LRMDA: variants seen among roughly 807,000 people sequenced by gnomAD.
LRMDA encodes leucine-rich melanocyte differentiation-associated protein.
Under a neutral mutation model 29.8 loss-of-function variants are expected in LRMDA, and 18 were observed. The observed-to-expected ratio is 0.60, with a 90% CI of 0.42 to 0.90. LRMDA has a LOEUF of 0.90. Among genes scored for constraint, LRMDA ranks in the 40% least tolerant of loss-of-function variants. The pLI, the probability that LRMDA is intolerant of heterozygous loss-of-function variation, is 0.00. For synonymous variants in LRMDA, 125 were observed against 109.4 expected (o/e 1.14, Z -0.89); for missense variants, 273 against 273.9 (o/e 1.00, Z 0.02).
chr10:76,324,831 A>G (rs1289446266), intron 6 of LRMDA, among the ~76,000 whole-genome samples: 1 of 152,202 alleles, frequency 6.6e-6, no homozygotes, highest in Non-Finnish European at 1.5e-5. Context: ...TTATAAAAGT[A>G]TCGTTGTTTG....
At chr10:75,835,676 C>A (rs551940779) in intron 2 of LRMDA, among the ~76,000 whole-genome samples, 2 of 152,332 alleles carry the variant, frequency 1.3e-5, no homozygotes, top group South Asian at 2.1e-4. Context: ...TGCCTTAGAT[C>A]AAGCCATTTT....
chr10:75,528,649 A>C (rs199640994), intron 2 of LRMDA, among the ~76,000 whole-genome samples: 1 of 152,172 alleles, frequency 6.6e-6, no homozygotes. Context: ...CATTCCAGCC[A>C]AGAATAGAGA....
chr10:76,426,620 G>C lies in LRMDA; in HGVS notation c.601+102135G>C, dbSNP rs149214983. ...TCTTGAGTTTAATTAGATCCCATTT[G>C]TCAATTTTGGCTTTTGTTGCCATTG... is the stretch of plus-strand genomic sequence containing the variant. On this transcript the variant is annotated intron_variant, in intron 6 of 6. Coordinates refer to ENST00000611255, the MANE Select transcript of LRMDA (RefSeq NM_001305581.2). 8.2e-3 allele frequency among the ~76,000 whole-genome samples: 1,245 copies of C among 152,286 alleles called. 13 individuals are homozygous for C. Among genetic ancestry groups the C allele is most frequent in the African/African-American group, 0.028 (1,176 of 41,556 alleles).
chr10:75,473,327 T>A (rs1243071267), intron 2 of LRMDA, among the ~76,000 whole-genome samples: 1 of 152,092 alleles, frequency 6.6e-6, no homozygotes, highest in Non-Finnish European at 1.5e-5. Flanking sequence ...AAGGGCTGTG[T>A]GGTGGGAGCA....
chr10:76,396,231 A>C (rs1230298282), intron 6 of LRMDA, among the ~76,000 whole-genome samples: 1 of 152,230 alleles, frequency 6.6e-6, no homozygotes, highest in Non-Finnish European at 1.5e-5. Context: ...AGTGGGGGAC[A>C]GAAGAAAAGA....
intron 6 of LRMDA, among the ~76,000 whole-genome samples, chr10:76,416,845 G>C (rs868161653): frequency 2.6e-5 from 4 of 152,186 alleles, no homozygotes; most frequent in African/African-American, 9.7e-5. Context: ...GGAAATGTGC[G>C]TGTGCCTGTG....
At chr10:75,982,024 T>C (rs1847181858) in intron 2 of LRMDA, among the ~76,000 whole-genome samples, 1 of 152,148 alleles carries the variant, frequency 6.6e-6, no homozygotes, top group South Asian at 2.1e-4. Context: ...AGTGTTTCTC[T>C]TCTTACATAT....
At chr10:76,011,574 C>T (rs907586079) in intron 2 of LRMDA, among the ~76,000 whole-genome samples, 14 of 152,080 alleles carry the variant, frequency 9.2e-5, no homozygotes, top group African/African-American at 1.9e-4. Context: ...GCGAGGCAGA[C>T]GAGGGCTGCA....
intron 2 of LRMDA, among the ~76,000 whole-genome samples, chr10:75,513,702 G>A (rs368220753): frequency 6.6e-6 from 1 of 151,990 alleles, no homozygotes; most frequent in African/African-American, 2.4e-5. Flanking sequence ...CTCTCGGCCC[G>A]GTGTCACTCC....
At chr10:76,352,878 A>C (rs1202713841) in intron 6 of LRMDA, among the ~76,000 whole-genome samples, 1 of 152,092 alleles carries the variant, frequency 6.6e-6, no homozygotes, top group Non-Finnish European at 1.5e-5. Context: ...GTTCTTAGAC[A>C]TGCCACTCGG....
chr10:76,435,833 G>A (rs1461697865), intron 6 of LRMDA, among the ~76,000 whole-genome samples: 2 of 152,158 alleles, frequency 1.3e-5, no homozygotes, highest in Non-Finnish European at 2.9e-5. Flanking sequence ...TGAAGATTCG[G>A]TCTCTCATAG....
intron 6 of LRMDA, among the ~76,000 whole-genome samples, chr10:76,503,658 G>T (rs1842933100): frequency 6.6e-6 from 1 of 150,880 alleles, no homozygotes; most frequent in Non-Finnish European, 1.5e-5. Flanking sequence ...GTATTTCTGT[G>T]GTATCAATTG....
At chr10:75,526,900 A>G (rs941996960) in intron 2 of LRMDA, among the ~76,000 whole-genome samples, 2 of 150,912 alleles carry the variant, frequency 1.3e-5, no homozygotes, top group Non-Finnish European at 2.9e-5. Context: ...TGTACCATTT[A>G]AGTTATTTTA....
At chr10:76,268,467 CTT>C (rs980182174) in intron 5 of LRMDA, among the ~76,000 whole-genome samples, 1 of 152,180 alleles carries the variant, frequency 6.6e-6, no homozygotes, top group Non-Finnish European at 1.5e-5. Context: ...ACACCTCTCT[CTT>C]TTCACTTCTC....
At chr10:76,022,901 G>C (rs1426388984) in intron 2 of LRMDA, among the ~76,000 whole-genome samples, 1 of 151,980 alleles carries the variant, frequency 6.6e-6, no homozygotes, top group Non-Finnish European at 1.5e-5. Context: ...GACAATGCTG[G>C]GCACCTATAA....
At chr10:75,761,778 A>G (rs1843098720) in intron 2 of LRMDA, among the ~76,000 whole-genome samples, 1 of 150,040 alleles carries the variant, frequency 6.7e-6, no homozygotes, top group Non-Finnish European at 1.5e-5. Flanking sequence ...ATTCCCTGAG[A>G]TTTTGGTATA....
rs1385040418 is a variant in LRMDA at position 76,558,367 on chromosome 10, A to T, written c.*1079A>T. 6.6e-6 allele frequency: 1 copy of T among 152,206 alleles called. No individual in the cohort carries two copies. The highest frequency in any genetic ancestry group is 1.5e-5 in the Non-Finnish European group (1 of 68,046). 9.4% of individuals were successfully genotyped at this position (152,206 alleles called of 1,614,324 possible). On this transcript the variant is annotated 3_prime_UTR_variant, in exon 7 of 7. Coordinates refer to ENST00000611255, the MANE Select transcript of LRMDA (RefSeq NM_001305581.2). ...TTGCATCTTTGTCATGACCTCTCAG[A>T]AATCAAATCCACAGGTTGTGAGACA...
chr10:75,748,641 G>A (rs532726835), intron 2 of LRMDA, among the ~76,000 whole-genome samples: 171 of 152,232 alleles, frequency 1.1e-3, no homozygotes, highest in African/African-American at 4.0e-3. Context: ...TGTTTGCTCC[G>A]TTATGATTAC....
chr10:76,203,837 G>A (rs1435172171), intron 5 of LRMDA, among the ~76,000 whole-genome samples: 1 of 127,800 alleles, frequency 7.8e-6, no homozygotes, highest in Non-Finnish European at 1.6e-5. Context: ...ATCTCTCCAT[G>A]TGTCTGTCCA....
Sources: gnomAD v4.1 joint callset for allele counts (sites outside exome capture counted in the v4.1 genomes callset) on GRCh38, gnomAD v4.1.1 for gene constraint, MANE v1.5 for transcripts, NCBI Gene and HGNC (gene_info 2026-07-23, HGNC 2026-07-21) for gene names.